The following TRIM38 variants were observed in gnomAD, a reference collection of about 807,000 sequenced individuals.
The protein encoded by TRIM38 is E3 ubiquitin-protein ligase TRIM38.
TRIM38 carries 35 observed loss-of-function variants against 35.8 expected under a neutral mutation model. That is an observed-to-expected ratio of 0.98 (90% CI 0.75 to 1.30). The LOEUF is 1.30. TRIM38 is among the 50% of genes most tolerant of loss of function. TRIM38 has a pLI of 0.00. For synonymous variants in TRIM38, 198 were observed against 204.7 expected, an observed-to-expected ratio of 0.97 and a Z score of 0.28; for missense variants, 545 against 556.9, an observed-to-expected ratio of 0.98 and a Z score of 0.21.
At chr6:25,978,728 G>A (rs1760466764) in intron 7 of TRIM38, among the ~76,000 whole-genome samples, 1 of 151,924 alleles carries the variant, frequency 6.6e-6, no homozygotes, top group Non-Finnish European at 1.5e-5. Flanking sequence ...GTGCACTGGC[G>A]CAATCTCGAC....
intron 7 of TRIM38, chr6:25,973,563 A>G: frequency 1.0e-6 from 1 of 975,258 alleles, no homozygotes; most frequent in Non-Finnish European, 1.2e-6. Context: ...AAAAATGAAA[A>G]TATTAACAGC....
intron 4 of TRIM38, 48 bp from the exon 5 acceptor site, chr6:25,971,821 G>C: frequency 6.7e-7 from 1 of 1,487,794 alleles, no homozygotes; most frequent in Non-Finnish European, 9.4e-7. Context: ...ATCCATAGAT[G>C]GACATTTGGT....
intron 4 of TRIM38, 108 bp from the exon 5 acceptor site, chr6:25,971,761 G>T: frequency 5.3e-6 from 5 of 947,766 alleles, no homozygotes; most frequent in Non-Finnish European, 8.0e-6. Flanking sequence ...TGTCTTCAAG[G>T]CTTGTCATGT....
intron 7 of TRIM38, among the ~76,000 whole-genome samples, chr6:25,979,194 T>C (rs1760480566): frequency 6.6e-6 from 1 of 151,976 alleles, no homozygotes; most frequent in Admixed American, 6.6e-5. Flanking sequence ...GGTTTGTTAT[T>C]TATATTATTT....
chr6:25,968,466 G>T (rs1228411429), intron 3 of TRIM38, among the ~76,000 whole-genome samples: 1 of 152,158 alleles, frequency 6.6e-6, no homozygotes, highest in African/African-American at 2.4e-5. Flanking sequence ...ACATACACAG[G>T]AGGTGGTTAT....
intron 7 of TRIM38, among the ~76,000 whole-genome samples, chr6:25,979,656 T>C (rs1237858307): frequency 6.6e-6 from 1 of 151,844 alleles, no homozygotes; most frequent in Non-Finnish European, 1.5e-5. Flanking sequence ...TTTTTGTTTG[T>C]TTTTCCTCTT....
At chr6:25,971,618 A>AT (rs1760231178) in intron 4 of TRIM38, among the ~76,000 whole-genome samples, 1 of 151,974 alleles carries the variant, frequency 6.6e-6, no homozygotes, top group African/African-American at 2.4e-5. Context: ...ATAACTGTCC[A>AT]TTTTCTGGTC....
intron 3 of TRIM38, among the ~76,000 whole-genome samples, chr6:25,967,246 A>G (rs897723025): frequency 1.3e-5 from 2 of 152,162 alleles, no homozygotes; most frequent in African/African-American, 4.8e-5. Context: ...TATCATTTGA[A>G]AAACCACAAT....
In TRIM38 at chr6:25,983,651, A is replaced by T; in HGVS notation, c.1362A>T (p.Gln454His). 2 of 1,608,174 alleles carry T rather than the reference A, an allele frequency of 1.2e-6. No individual in the cohort carries two copies. The highest frequency in any genetic ancestry group is 1.7e-6 in the Non-Finnish European group (2 of 1,177,558). Residue 454 changes from glutamine (Q) to histidine (H), a missense_variant, in exon 8 of 8, where the codon CAA (glutamine) becomes CAT (histidine). Coordinates refer to ENST00000357085, the MANE Select transcript of TRIM38 (RefSeq NM_006355.5). ...TCCGGCCCTATTTCCAGGTTTATCAATATTCTCCTTTGTTTCTGCCTCCCC... is the reference window on the plus strand; with the variant it reads ...TCCGGCCCTATTTCCAGGTTTATCATTATTCTCCTTTGTTTCTGCCTCCCC... The part of the protein sequence containing the change: ...DTLRPYFQVY[Q>H]YSPLFLPPPG...
intron 7 of TRIM38, chr6:25,975,297 C>A: frequency 4.1e-6 from 1 of 242,946 alleles, no homozygotes; most frequent in Non-Finnish European, 6.6e-6. Flanking sequence ...GCAGCCTCTG[C>A]CTCCTGGGTT....
chr6:25,982,982 C>T (rs904924253), intron 7 of TRIM38, among the ~76,000 whole-genome samples, 182 bp from the exon 8 acceptor site: 15 of 152,076 alleles, frequency 9.9e-5, no homozygotes, highest in African/African-American at 1.9e-4. Context: ...GCAGTTACTC[C>T]GGAGGCTGAG....
In TRIM38 at chr6:25,966,567, C is replaced by G; in HGVS notation, c.45C>G (p.Thr15=). Residue 15 remains threonine, a synonymous_variant, in exon 3 of 8, where the codon ACC becomes ACG. Coordinates refer to ENST00000357085, the MANE Select transcript of TRIM38 (RefSeq NM_006355.5). The stretch of plus-strand genomic sequence containing the variant: ...CCAAGAAGATGATGGAGGAAGCCAC[C>G]TGCTCCATCTGCCTGAGCCTGATGA... ...TSTKKMMEEA[T]CSICLSLMTN... The G allele has an allele frequency of 6.2e-7, 1 of 1,613,826 alleles. No homozygotes were observed. The highest frequency in any genetic ancestry group is 8.5e-7 in the Non-Finnish European group (1 of 1,179,844).
intron 7 of TRIM38, among the ~76,000 whole-genome samples, chr6:25,979,715 T>A (rs1760494228): frequency 6.6e-6 from 1 of 151,810 alleles, no homozygotes; most frequent in Admixed American, 6.6e-5. Flanking sequence ...GTTTAATATC[T>A]ATTTTTTCTT....
At chr6:25,964,764 T>C (rs1386897888) in intron 2 of TRIM38, among the ~76,000 whole-genome samples, 1 of 152,134 alleles carries the variant, frequency 6.6e-6, no homozygotes, top group East Asian at 1.9e-4. Flanking sequence ...GATCACCCAA[T>C]TGCATAAGTG....
rs71544660 is a variant in TRIM38, at chr6:25,988,496, C to CTTTTTT, written c.*4821_*4826dup. On this transcript the variant is annotated 3_prime_UTR_variant, in exon 8 of 8. Transcript: ENST00000357085. ...TTTCTTTTTCTTTTTTCTTTTCTTT[C>CTTTTTT]TTTTTTTTTTTTTTTTTGAGACAGA... The CTTTTTT allele has an allele frequency of 2.9e-3, 181 of 63,002 alleles. 35 individuals carry two copies. Among genetic ancestry groups the CTTTTTT allele is most frequent in the African/African-American group, 0.011 (151 of 14,168 alleles). 3.9% of individuals were successfully genotyped at this position (63,002 alleles called of 1,614,324 possible).
At chr6:25,972,187 A>T in intron 5 of TRIM38, 88 bp downstream of exon 5, 1 of 1,238,310 alleles carries the variant, frequency 8.1e-7, no homozygotes, top group Non-Finnish European at 1.1e-6. Flanking sequence ...AGATAAAGTA[A>T]TGTTTCTTTT....
At chr6:25,980,664 G>A (rs149609056) in intron 7 of TRIM38, among the ~76,000 whole-genome samples, 107 of 152,140 alleles carry the variant, frequency 7.0e-4, no homozygotes, top group African/African-American at 1.3e-3. Flanking sequence ...CAAGTGATCC[G>A]CCTGCCTTGG....
chr6:25,966,934 G>A lies in TRIM38; in HGVS notation c.411+1G>A. The A allele has an allele frequency of 1.3e-6, 2 of 1,598,182 alleles. No homozygotes were observed. Among genetic ancestry groups the A allele is most frequent in the South Asian group, 1.1e-5 (1 of 89,928 alleles). On this transcript the variant is annotated splice_donor_variant, in intron 3 of 7. Transcript: ENST00000357085. LOFTEE classifies it high-confidence loss of function. The stretch of plus-strand genomic sequence containing the variant: ...TGAAGACGTATGCCAGGGCTACAAG[G>A]TGAGTGTGTGGGCCCGGGAGCTTTG...
At position 25,986,957 on chromosome 6, in the gene TRIM38, C is replaced by T. The variant is rs915930378; in HGVS notation, c.*3270C>T. On this transcript the variant is annotated 3_prime_UTR_variant, in exon 8 of 8. Transcript: ENST00000357085. The stretch of plus-strand genomic sequence containing the variant: ...TAGTGTCCTAAAACCTATCATAAAA[C>T]CTTTGGCTTGCCTTGCATTAGCCAG... 6.6e-6 allele frequency: 1 copy of T among 152,152 alleles called. No homozygotes were observed. The highest frequency in any genetic ancestry group is 2.4e-5 in the African/African-American group (1 of 41,424). The allele number at this position is 152,152 out of a possible 1,614,324, so 9.4% of individuals were successfully genotyped here.
Sources: gnomAD v4.1 joint callset for allele counts (sites outside exome capture counted in the v4.1 genomes callset) on GRCh38, gnomAD v4.1.1 for gene constraint, MANE v1.5 for transcripts, NCBI Gene and HGNC (gene_info 2026-07-23, HGNC 2026-07-21) for gene names.